R3HDM1: variants seen among roughly 807,000 people sequenced by gnomAD.
R3HDM1 encodes R3H domain containing 1, also known as R3H domain-containing protein 1.
R3HDM1 carries 46 observed loss-of-function variants against 141.1 expected under a neutral mutation model. That is an observed-to-expected ratio of 0.33 (90% CI 0.26 to 0.42). R3HDM1 has a LOEUF of 0.42. Ranked by LOEUF, R3HDM1 falls within the 10% of genes least tolerant of loss-of-function variation. R3HDM1 has a pLI of 1.00. For missense variants in R3HDM1, 1,184 were observed against 1,368.3 expected (o/e 0.87, Z 2.12); for synonymous variants, 435 against 472.9 (o/e 0.92, Z 1.04).
At chr2:135,638,287 G>C (rs2063460467) in intron 11 of R3HDM1, among the ~76,000 whole-genome samples, 1 of 152,124 alleles carries the variant, frequency 6.6e-6, no homozygotes, top group Non-Finnish European at 1.5e-5. Flanking sequence ...TCAAATATTT[G>C]TTAAGTGAAT....
At chr2:135,683,146 C>T (rs2070644554) in intron 21 of R3HDM1, among the ~76,000 whole-genome samples, 1 of 152,156 alleles carries the variant, frequency 6.6e-6, no homozygotes, top group Non-Finnish European at 1.5e-5. Flanking sequence ...GTATAGAGTA[C>T]CAATGTGAGA....
chr2:135,670,662 T>C (rs1453473112), intron 19 of R3HDM1, among the ~76,000 whole-genome samples: 1 of 152,224 alleles, frequency 6.6e-6, no homozygotes, highest in Non-Finnish European at 1.5e-5. Flanking sequence ...TATTTTCCCA[T>C]ATAGACTTTT....
intron 1 of R3HDM1, among the ~76,000 whole-genome samples, chr2:135,587,443 A>G (rs963084403): frequency 2.6e-5 from 4 of 152,170 alleles, no homozygotes; most frequent in African/African-American, 9.6e-5. Context: ...ATAGGAAGAA[A>G]ATCACTAAAT....
intron 2 of R3HDM1, 118 bp downstream of exon 2, chr2:135,602,826 G>A: frequency 1.1e-6 from 1 of 874,482 alleles, no homozygotes; most frequent in Non-Finnish European, 1.6e-6. Flanking sequence ...GCAGCTGTTT[G>A]TTTTCGGAAT....
chr2:135,670,520 A>G (rs2068179986), intron 19 of R3HDM1: 1 of 588,182 alleles, frequency 1.7e-6, no homozygotes, highest in Admixed American at 6.4e-5. Context: ...ATATGAAAAA[A>G]GATTTTGAAA....
intron 1 of R3HDM1, among the ~76,000 whole-genome samples, chr2:135,573,373 TC>T (rs1704600834): frequency 6.6e-6 from 1 of 152,148 alleles, no homozygotes; most frequent in Admixed American, 6.5e-5. Context: ...ACTCACCAGA[TC>T]CTGGCATGTG....
intron 11 of R3HDM1, 63 bp downstream of exon 11, chr2:135,636,246 A>G: frequency 6.5e-7 from 1 of 1,539,832 alleles, no homozygotes; most frequent in Non-Finnish European, 8.7e-7. Context: ...GTAGGGTCTC[A>G]GTCTCCCTTT....
At chr2:135,676,735 C>G (rs747003183) in intron 20 of R3HDM1, among the ~76,000 whole-genome samples, 1 of 152,086 alleles carries the variant, frequency 6.6e-6, no homozygotes, top group Non-Finnish European at 1.5e-5. Context: ...CACTTGAACC[C>G]GGGAGGCGAA....
At chr2:135,633,525 TAAAG>T (rs1399478765) in intron 9 of R3HDM1, among the ~76,000 whole-genome samples, 4 of 152,166 alleles carry the variant, frequency 2.6e-5, no homozygotes, top group Non-Finnish European at 5.9e-5. Flanking sequence ...ATAATATACT[TAAAG>T]AAGTATGGGT....
intron 18 of R3HDM1, among the ~76,000 whole-genome samples, chr2:135,653,714 G>C (rs943579679): frequency 1.3e-5 from 2 of 152,036 alleles, no homozygotes; most frequent in Admixed American, 1.3e-4. Flanking sequence ...GTTTTGGGCC[G>C]GACACAGTGG....
At chr2:135,634,120 T>C (rs1042160627) in intron 9 of R3HDM1, among the ~76,000 whole-genome samples, 1 of 152,200 alleles carries the variant, frequency 6.6e-6, no homozygotes, top group Non-Finnish European at 1.5e-5. Flanking sequence ...TTTCTTATTA[T>C]TTTGATCACA....
intron 6 of R3HDM1, 63 bp from the exon 7 acceptor site, chr2:135,622,591 A>G: frequency 6.6e-7 from 1 of 1,505,374 alleles, no homozygotes; most frequent in East Asian, 2.4e-5. Flanking sequence ...CATCATGTGT[A>G]AAAGGGAATG....
At chr2:135,657,708 G>A (rs2066104862) in intron 18 of R3HDM1, among the ~76,000 whole-genome samples, 1 of 152,150 alleles carries the variant, frequency 6.6e-6, no homozygotes, top group Admixed American at 6.5e-5. Flanking sequence ...GTGAGCCCAT[G>A]ACACTGTTAA....
rs1398014469 is a variant in R3HDM1 at position 135,692,075 on chromosome 2, G to A, written c.2459+11751G>A. On this transcript the variant is annotated intron_variant, in intron 21 of 26. Coordinates refer to ENST00000683871, the MANE Select transcript of R3HDM1 (RefSeq NM_001378107.1). The stretch of plus-strand genomic sequence containing the variant: ...TTACAGGCTGCCGCCACCACACCTG[G>A]CTAATTTTTGTGTTTTTAGTGTAGG... Among the ~76,000 whole-genome samples, 4 of 151,930 alleles carry A rather than the reference G, an allele frequency of 2.6e-5. No homozygotes were observed. In the East Asian group the frequency reaches 7.8e-4, roughly 30 times the overall value.
chr2:135,676,152 C>T (rs183254484), intron 20 of R3HDM1, among the ~76,000 whole-genome samples: 1 of 151,644 alleles, frequency 6.6e-6, no homozygotes, highest in Non-Finnish European at 1.5e-5. Flanking sequence ...ATTGTGAAAC[C>T]CTGTTTCTAC....
chr2:135,690,060 C>T (rs1056777294), intron 21 of R3HDM1, among the ~76,000 whole-genome samples: 1 of 152,038 alleles, frequency 6.6e-6, no homozygotes, highest in Non-Finnish European at 1.5e-5. Flanking sequence ...TTCACAGAAT[C>T]TTTATGAAAT....
chr2:135,662,847 AT>A (rs1032829626), intron 19 of R3HDM1, among the ~76,000 whole-genome samples: 5 of 152,084 alleles, frequency 3.3e-5, no homozygotes, highest in South Asian at 2.1e-4. Flanking sequence ...TTTTTTCTTG[AT>A]TTTTTTCTTC....
At chr2:135,654,863 AGTGTG>A (rs1245846880) in intron 18 of R3HDM1, among the ~76,000 whole-genome samples, 1 of 136,620 alleles carries the variant, frequency 7.3e-6, no homozygotes, top group African/African-American at 2.7e-5. Context: ...GTGTATATAA[AGTGTG>A]TGTGTGTGTG....
chr2:135,706,362 G>GGTTTTTTTTTGT (rs1553634226), intron 21 of R3HDM1, among the ~76,000 whole-genome samples: 86 of 135,000 alleles, frequency 6.4e-4, no homozygotes, highest in African/African-American at 2.6e-3. Context: ...CATATCCATA[G>GGTTTTTTTTTGT]TTTTGTTTTT....
Sources: allele counts gnomAD v4.1 joint callset (sites outside exome capture counted in the v4.1 genomes callset), GRCh38; gene constraint gnomAD v4.1.1; transcripts MANE v1.5; gene names NCBI Gene and HGNC (gene_info 2026-07-23, HGNC 2026-07-21).